PTPN13: variants seen among roughly 807,000 people sequenced by gnomAD.
PTPN13 encodes protein tyrosine phosphatase non-receptor type 13, also known as tyrosine-protein phosphatase non-receptor type 13.
In PTPN13, 191 loss-of-function variants were observed where a neutral mutation model predicts 284.0. The ratio of observed to expected loss-of-function variants is 0.67; its 90% CI spans 0.60 to 0.76. The LOEUF (loss-of-function observed/expected upper bound fraction) is 0.76. Among genes scored for constraint, PTPN13 ranks in the 30% least tolerant of loss-of-function variants. The pLI is 0.00. For synonymous variants in PTPN13, 986 were observed against 1,022.3 expected (o/e 0.96, Z 0.68); for missense variants, 2,797 against 2,939.9 (o/e 0.95, Z 1.12).
chr4:86,668,474 T>C (rs910446229), intron 2 of PTPN13, among the ~76,000 whole-genome samples: 8 of 152,214 alleles, frequency 5.3e-5, no homozygotes, highest in Admixed American at 3.3e-4. Context: ...GTAAATGTCA[T>C]GTGTGTGTTT....
In PTPN13 at chr4:86,689,174, T is replaced by G; in HGVS notation, c.530T>G (p.Leu177Arg). 1 of 1,612,902 alleles carries G rather than the reference T, an allele frequency of 6.2e-7. No individual in the cohort carries two copies. The highest frequency in any genetic ancestry group is 8.5e-7 in the Non-Finnish European group (1 of 1,178,976). The change falls in exon 5 of 48, where the codon CTG becomes CGG. Residue 177 changes from leucine (L) to arginine (R), a missense_variant. Leu to Arg is a moderately radical substitution (Grantham distance 102). Coordinates refer to ENST00000411767, the MANE Select transcript of PTPN13 (RefSeq NM_080683.3). ...GTGAAACACTTGGTAAAACTGGTTC[T>G]GGGAAATCTTTCTGGGGTAAGCTAC... ...SYVKHLVKLV[L>R]GNLSGTDQLS...
chr4:86,760,065 A>G (rs1410372955), intron 23 of PTPN13, among the ~76,000 whole-genome samples: 1 of 152,216 alleles, frequency 6.6e-6, no homozygotes, highest in Non-Finnish European at 1.5e-5. Flanking sequence ...ATAAAATCTT[A>G]TTAAATTTTA....
At chr4:86,812,002 G>A (rs1326578774) in intron 47 of PTPN13, among the ~76,000 whole-genome samples, 1 of 152,162 alleles carries the variant, frequency 6.6e-6, no homozygotes, top group Non-Finnish European at 1.5e-5. Context: ...TTTATTGAGT[G>A]CTTACTTTGT....
chr4:86,599,431 C>T (rs1764104345), intron 1 of PTPN13, among the ~76,000 whole-genome samples: 2 of 151,834 alleles, frequency 1.3e-5, no homozygotes, highest in Non-Finnish European at 1.5e-5. Flanking sequence ...ATGTAGTTTC[C>T]CTGGCCATAT....
At chr4:86,795,353 C>T (rs1743215084) in intron 40 of PTPN13, among the ~76,000 whole-genome samples, 2 of 152,096 alleles carry the variant, frequency 1.3e-5, no homozygotes, top group African/African-American at 2.4e-5. Flanking sequence ...CATCTCATGC[C>T]GGTTAGAATG....
At position 86,681,860 on chromosome 4, in the gene PTPN13, C is replaced by T. The variant is rs550300337; in HGVS notation, c.295-4850C>T. Among the ~76,000 whole-genome samples the T allele has an allele frequency of 7.3e-5, 11 of 151,578 alleles. No homozygotes were observed. In the South Asian group the frequency reaches 1.7e-3, roughly 23 times the overall value. On this transcript the variant is annotated intron_variant, in intron 3 of 47. Transcript: ENST00000411767. ...GGGAGAATTGCTTGAACCCAGGAGGCGAAGGTTGCAGTGAGCTGAGATTGC... is the reference window on the plus strand; with the variant it reads ...GGGAGAATTGCTTGAACCCAGGAGGTGAAGGTTGCAGTGAGCTGAGATTGC...
intron 1 of PTPN13, among the ~76,000 whole-genome samples, chr4:86,613,949 A>G (rs570310832): frequency 3.9e-5 from 6 of 152,316 alleles, no homozygotes; most frequent in Admixed American, 1.3e-4. Flanking sequence ...AGATTGTGCA[A>G]CAGGGAGTAA....
chr4:86,750,956 T>A (rs1349223874), intron 18 of PTPN13, 69 bp downstream of exon 18: 2 of 1,564,306 alleles, frequency 1.3e-6, no homozygotes, highest in African/African-American at 2.7e-5. Context: ...CTTTTTGTTA[T>A]GACATTTTAT....
intron 1 of PTPN13, among the ~76,000 whole-genome samples, chr4:86,620,228 C>G (rs1202560831): frequency 1.3e-5 from 2 of 152,168 alleles, no homozygotes; most frequent in African/African-American, 4.8e-5. Context: ...TGCAGTGGCA[C>G]AGGCCCGGTT....
At chr4:86,649,234 A>T (rs919782285) in intron 2 of PTPN13, among the ~76,000 whole-genome samples, 1 of 152,056 alleles carries the variant, frequency 6.6e-6, no homozygotes, top group Non-Finnish European at 1.5e-5. Flanking sequence ...CTATTTGTTC[A>T]ATTTTGCTAT....
chr4:86,720,831 T>TG (rs1425483971), intron 9 of PTPN13, among the ~76,000 whole-genome samples: 2 of 152,068 alleles, frequency 1.3e-5, no homozygotes, highest in African/African-American at 4.8e-5. Flanking sequence ...CATAGTGGGA[T>TG]GGGGGGAGAT....
At chr4:86,798,324 C>T (rs1743591356) in intron 41 of PTPN13, among the ~76,000 whole-genome samples, 1 of 152,182 alleles carries the variant, frequency 6.6e-6, no homozygotes, top group Non-Finnish European at 1.5e-5. Flanking sequence ...TTGTCACCCA[C>T]AGTGAGTTAG....
At chr4:86,751,167 C>A in intron 19 of PTPN13, 43 bp downstream of exon 19, 1 of 1,346,776 alleles carries the variant, frequency 7.4e-7, no homozygotes, top group Non-Finnish European at 1.0e-6. Flanking sequence ...ATACCTCATG[C>A]TCAGAGGGAA....
At chr4:86,618,916 T>C (rs1188539016) in intron 1 of PTPN13, among the ~76,000 whole-genome samples, 1 of 152,212 alleles carries the variant, frequency 6.6e-6, no homozygotes, top group Non-Finnish European at 1.5e-5. Flanking sequence ...GAATACCCTT[T>C]ATTTCCTTCT....
chr4:86,647,536 A>G (rs1211691186), intron 2 of PTPN13, among the ~76,000 whole-genome samples: 2 of 151,804 alleles, frequency 1.3e-5, no homozygotes, highest in African/African-American at 4.8e-5. Context: ...ATTTTTAAAA[A>G]TGAGAAAAAT....
intron 7 of PTPN13, among the ~76,000 whole-genome samples, chr4:86,707,058 G>A (rs1731852270): frequency 6.6e-6 from 1 of 151,964 alleles, no homozygotes; most frequent in South Asian, 2.1e-4. Context: ...TACCATACAC[G>A]CCCTATCCAT....
chr4:86,774,212 G>C (rs1424356994), intron 32 of PTPN13, among the ~76,000 whole-genome samples, 161 bp from the exon 33 acceptor site: 2 of 152,128 alleles, frequency 1.3e-5, no homozygotes, highest in African/African-American at 2.4e-5. Flanking sequence ...GAATCAGACA[G>C]ACTGTCTAGA....
At chr4:86,744,062 A>T (rs183578981) in intron 16 of PTPN13, among the ~76,000 whole-genome samples, 26 of 152,300 alleles carry the variant, frequency 1.7e-4, no homozygotes, top group Non-Finnish European at 3.4e-4. Flanking sequence ...GTTTTCAAGA[A>T]ATTTCAGAGT....
intron 6 of PTPN13, among the ~76,000 whole-genome samples, chr4:86,696,783 A>G (rs532960053): frequency 1.8e-4 from 27 of 152,044 alleles, no homozygotes; most frequent in Non-Finnish European, 3.4e-4. Context: ...AGTAATTACA[A>G]TTAGTCACTC....
Sources: gnomAD v4.1 joint callset for allele counts (sites outside exome capture counted in the v4.1 genomes callset) on GRCh38, gnomAD v4.1.1 for gene constraint, MANE v1.5 for transcripts, NCBI Gene and HGNC (gene_info 2026-07-23, HGNC 2026-07-21) for gene names.